FYB2: variants seen among roughly 807,000 people sequenced by gnomAD.
FYB2 encodes the protein FYN-binding protein 2.
FYB2 carries 103 observed loss-of-function variants against 94.1 expected under a neutral mutation model. The observed-to-expected ratio is 1.09, with a 90% CI of 0.93 to 1.29. The LOEUF (loss-of-function observed/expected upper bound fraction) is 1.29. Ranked by LOEUF, FYB2 falls within the 50% of genes most tolerant of loss-of-function variation. The pLI is 0.00. For synonymous variants in FYB2, 293 were observed against 287.9 expected, an observed-to-expected ratio of 1.02 and a Z score of -0.18; for missense variants, 896 against 841.5, an observed-to-expected ratio of 1.06 and a Z score of -0.80.
At chr1:56,754,552 C>T (rs1258667842) in intron 7 of FYB2, among the ~76,000 whole-genome samples, 1 of 152,082 alleles carries the variant, frequency 6.6e-6, no homozygotes, top group African/African-American at 2.4e-5. Flanking sequence ...CACTAAAAAT[C>T]AAGGCAGAAC....
At chr1:56,743,486 C>G (rs1645001605) in intron 11 of FYB2, among the ~76,000 whole-genome samples, 1 of 151,888 alleles carries the variant, frequency 6.6e-6, no homozygotes, top group Non-Finnish European at 1.5e-5. Context: ...GTCAGTGAAA[C>G]AAAGGTACCC....
At chr1:56,811,118 C>A (rs72911319) in intron 1 of FYB2, among the ~76,000 whole-genome samples, 2,237 of 152,130 alleles carry the variant, frequency 0.015, 63 homozygotes, top group African/African-American at 0.052. Flanking sequence ...AGGGGAGGGA[C>A]CGTCATCAGG....
Position 56,719,807 on chromosome 1 carries a change from T to C in FYB2, c.2166-115A>G. 3 of 1,144,908 alleles carry C rather than the reference T, an allele frequency of 2.6e-6. No homozygotes were observed. In the South Asian group the frequency reaches 4.6e-5, roughly 17 times the overall value. 70.9% of individuals were successfully genotyped at this position (1,144,908 alleles called of 1,614,324 possible). On this transcript the variant is annotated intron_variant, in intron 19 of 19. Coordinates refer to ENST00000343433, the MANE Select transcript of FYB2 (RefSeq NM_001004303.5). ...TTAATATGTTTGTGTTCTTTTAAAA[T>C]GTTTATAAAGCTGTGTAGAGAAGTT...
chr1:56,762,261 C>T (rs1645514534), intron 5 of FYB2, among the ~76,000 whole-genome samples: 1 of 152,108 alleles, frequency 6.6e-6, no homozygotes, highest in South Asian at 2.1e-4. Flanking sequence ...TGCAGAAGAT[C>T]CTACTGGGAT....
chr1:56,792,713 C>T lies in FYB2; in HGVS notation c.100G>A (p.Val34Ile), dbSNP rs1473672775. The T allele has an allele frequency of 3.0e-5, 49 of 1,613,986 alleles. No individual in the cohort carries two copies. The highest frequency in any genetic ancestry group is 4.0e-5 in the Non-Finnish European group (47 of 1,180,022). ...LPGPIKFPAGVSPKGDIGGTQ... is the reference protein window; with the variant it reads ...LPGPIKFPAGISPKGDIGGTQ... ...CCTCCAATGTCACCCTTTGGAGAAACACCTGCTGGGAATTTAATAGGTCCT... is the reference window on the plus strand; with the variant it reads ...CCTCCAATGTCACCCTTTGGAGAAATACCTGCTGGGAATTTAATAGGTCCT... The change falls in exon 2 of 20, where the codon GTT becomes ATT. Residue 34 changes from valine (V) to isoleucine (I), a missense_variant. Transcript: ENST00000343433.
chr1:56,805,057 T>A (rs1433595065), intron 1 of FYB2, among the ~76,000 whole-genome samples: 1 of 152,214 alleles, frequency 6.6e-6, no homozygotes, highest in Non-Finnish European at 1.5e-5. Flanking sequence ...GAGTTACCAA[T>A]CCCTCCGAGC....
chr1:56,756,844 A>G lies in FYB2; in HGVS notation c.1099-917T>C, dbSNP rs150827857. On this transcript the variant is annotated intron_variant, in intron 6 of 19. Transcript: ENST00000343433. ...AGGGACTTGGTACATGTTTGACCAC[A>G]TGAAAAACTCATTGCTAGACACAAA... 3.5e-4 allele frequency among the ~76,000 whole-genome samples: 54 copies of G among 152,280 alleles called. 1 individual carries two copies. The highest frequency in any genetic ancestry group is 1.2e-3 in the African/African-American group (48 of 41,586).
chr1:56,786,985 G>T (rs921626630), intron 4 of FYB2, among the ~76,000 whole-genome samples, 190 bp downstream of exon 4: 1 of 152,152 alleles, frequency 6.6e-6, no homozygotes, highest in East Asian at 1.9e-4. Flanking sequence ...ACATCAGTAC[G>T]TGTTAAATGC....
chr1:56,745,983 C>T (rs1645058496), intron 9 of FYB2, among the ~76,000 whole-genome samples: 1 of 151,922 alleles, frequency 6.6e-6, no homozygotes. Flanking sequence ...TGGCTCTCTT[C>T]CTCAACTACT....
Position 56,726,552 on chromosome 1 carries a change from T to A in FYB2, c.1825A>T (p.Lys609Ter). 1 of 1,612,342 alleles carries A rather than the reference T, an allele frequency of 6.2e-7. No individual in the cohort carries two copies. The highest frequency in any genetic ancestry group is 8.5e-7 in the Non-Finnish European group (1 of 1,178,980). Residue 609 changes from lysine (K) to a stop codon, truncating the protein, a stop_gained, in exon 16 of 20, where the codon AAG becomes TAG. Coordinates refer to ENST00000343433, the MANE Select transcript of FYB2 (RefSeq NM_001004303.5). LOFTEE classifies it high-confidence loss of function. ...TTTTTTTCCTTTGGTGTCAGAAACT[T>A]GGGCTTCCACATTTTCAGTTTATCT... is the stretch of plus-strand genomic sequence containing the variant. ...DEDKLKMWKP[K>*]FLTPKEKKEK...
At chr1:56,747,030 G>A (rs144588579) in intron 9 of FYB2, among the ~76,000 whole-genome samples, 349 of 151,840 alleles carry the variant, frequency 2.3e-3, no homozygotes, top group African/African-American at 8.0e-3. Flanking sequence ...CTTTTGGATG[G>A]TCTCTTTGGG....
chr1:56,785,678 T>C (rs183866414), intron 4 of FYB2, among the ~76,000 whole-genome samples: 6 of 152,326 alleles, frequency 3.9e-5, no homozygotes, highest in Non-Finnish European at 5.9e-5. Flanking sequence ...TTCTATACTT[T>C]CTACACTCTA....
At chr1:56,808,304 C>G (rs1358696217) in intron 1 of FYB2, among the ~76,000 whole-genome samples, 3 of 152,146 alleles carry the variant, frequency 2.0e-5, no homozygotes, top group Admixed American at 6.5e-5. Flanking sequence ...TTCTAGTATA[C>G]TCCTACAGCC....
At chr1:56,766,308 G>T (rs894086226) in intron 5 of FYB2, among the ~76,000 whole-genome samples, 1 of 152,148 alleles carries the variant, frequency 6.6e-6, no homozygotes, top group Non-Finnish European at 1.5e-5. Flanking sequence ...CATTTTGGGG[G>T]TGCTGGGCAG....
At chr1:56,771,036 T>C (rs1645742344) in intron 4 of FYB2, among the ~76,000 whole-genome samples, 1 of 152,188 alleles carries the variant, frequency 6.6e-6, no homozygotes, top group Admixed American at 6.5e-5. Flanking sequence ...GTATGAATTG[T>C]CACAACCATT....
At chr1:56,816,147 AT>A (rs1388382774) in intron 1 of FYB2, among the ~76,000 whole-genome samples, 7 of 152,104 alleles carry the variant, frequency 4.6e-5, no homozygotes, top group African/African-American at 1.7e-4. Flanking sequence ...AACAAAAAGC[AT>A]TTTTCTATAT....
Position 56,801,042 on chromosome 1 carries a change from A to C in FYB2, c.10-8239T>G, listed in dbSNP as rs537206856. On this transcript the variant is annotated intron_variant, in intron 1 of 19. Coordinates refer to ENST00000343433, the MANE Select transcript of FYB2 (RefSeq NM_001004303.5). ...TAACAAAGGGCCTTATTCCCCACAGACCTCTATAGTATCGCCAATTGAATC... is the reference window on the plus strand; with the variant it reads ...TAACAAAGGGCCTTATTCCCCACAGCCCTCTATAGTATCGCCAATTGAATC... Among the ~76,000 whole-genome samples the C allele has an allele frequency of 4.6e-5, 7 of 152,008 alleles. No individual in the cohort carries two copies. The South Asian group carries it at 1.5e-3, about 32-fold the overall frequency.
At chr1:56,733,483 T>C (rs1644758755) in intron 15 of FYB2, among the ~76,000 whole-genome samples, 1 of 152,118 alleles carries the variant, frequency 6.6e-6, no homozygotes, top group Admixed American at 6.6e-5. Context: ...AGCTTTTGAA[T>C]TTGTTTGCTC....
At chr1:56,729,655 C>G (rs1644661052) in intron 15 of FYB2, among the ~76,000 whole-genome samples, 1 of 152,036 alleles carries the variant, frequency 6.6e-6, no homozygotes. Flanking sequence ...CACCATAGAC[C>G]AAATGGACTT....
Sources: allele counts gnomAD v4.1 joint callset (sites outside exome capture counted in the v4.1 genomes callset), GRCh38; gene constraint gnomAD v4.1.1; transcripts MANE v1.5; gene names NCBI Gene and HGNC (gene_info 2026-07-23, HGNC 2026-07-21).